Variants in SLC4A5 observed in about 807,000 individuals in gnomAD.
SLC4A5 encodes solute carrier family 4 member 5.
Under a neutral mutation model 120.4 loss-of-function variants are expected in SLC4A5, and 96 were observed. The ratio of observed to expected loss-of-function variants is 0.80; its 90% CI spans 0.68 to 0.94. The LOEUF (loss-of-function observed/expected upper bound fraction) is 0.94, where lower values mean the gene tolerates loss of function less well. Among genes scored for constraint, SLC4A5 ranks in the 40% least tolerant of loss-of-function variants. SLC4A5 has a pLI of 0.00. For synonymous variants in SLC4A5, 550 were observed against 571.1 expected, an observed-to-expected ratio of 0.96 and a Z score of 0.53; for missense variants, 1,259 against 1,459.5, an observed-to-expected ratio of 0.86 and a Z score of 2.24.
rs1351414633 is a variant in SLC4A5 at position 74,255,541 on chromosome 2, C to T, written c.1025+234G>A. Among the ~76,000 whole-genome samples the T allele has an allele frequency of 6.6e-6, 1 of 152,218 alleles. No individual in the cohort carries two copies. The highest frequency in any genetic ancestry group is 2.4e-5 in the African/African-American group (1 of 41,464). Reference sequence around the variant, plus strand: ...AACTCCTGACCTCATGATCTGCCCACCTTGGCATCCCAAAGTGCTGGGATT... The same window carrying T: ...AACTCCTGACCTCATGATCTGCCCATCTTGGCATCCCAAAGTGCTGGGATT... On this transcript the variant is annotated intron_variant, in intron 13 of 30. Transcript: ENST00000394019. The surrounding 1 kb of genome is among the most constrained non-coding windows in gnomAD (Gnocchi z 4.0).
At chr2:74,300,373 T>C (rs1453819635) in intron 7 of SLC4A5, among the ~76,000 whole-genome samples, 1 of 152,228 alleles carries the variant, frequency 6.6e-6, no homozygotes, top group Non-Finnish European at 1.5e-5. Flanking sequence ...TGAGTGGTGA[T>C]GAAGGTGTTA....
chr2:74,253,187 A>C (rs1670849043), intron 14 of SLC4A5, 59 bp from the exon 15 acceptor site: 9 of 1,589,080 alleles, frequency 5.7e-6, no homozygotes, highest in Non-Finnish European at 7.7e-6. Context: ...AATGCCTGGG[A>C]GCATATCACA....
chr2:74,307,975 TG>T, intron 6 of SLC4A5: 2 of 561,954 alleles, frequency 3.6e-6, no homozygotes, highest in Non-Finnish European at 3.5e-6. Flanking sequence ...GACCAGTAGT[TG>T]GAGGAGAAGG....
At chr2:74,243,741 G>A (rs958346834) in intron 19 of SLC4A5, among the ~76,000 whole-genome samples, 1 of 152,122 alleles carries the variant, frequency 6.6e-6, no homozygotes, top group African/African-American at 2.4e-5. Flanking sequence ...TTTATATCGA[G>A]AACTCTGTAG....
chr2:74,301,559 A>G (rs1288048639), intron 7 of SLC4A5, among the ~76,000 whole-genome samples: 2 of 152,230 alleles, frequency 1.3e-5, no homozygotes, highest in Non-Finnish European at 2.9e-5. Context: ...GGAAAAACAT[A>G]TGTGGTCAGG....
rs757867487 is a variant in SLC4A5 at position 74,254,597 on chromosome 2, C to T, written c.1113+22G>A. 6 of 1,600,904 alleles carry T rather than the reference C, an allele frequency of 3.7e-6. No homozygotes were observed. In the South Asian group the frequency reaches 5.5e-5, roughly 15 times the overall value. ...GCAGGAGCTGTAAAATTCAGGAGTA[C>T]AAGCTTCTGGTTACCACTTACATCA... On this transcript the variant is annotated intron_variant, in intron 14 of 30. Transcript: ENST00000394019.
chr2:74,337,283 G>C lies in SLC4A5; in HGVS notation c.-221+1572C>G, dbSNP rs1337045742. ...GTGAGGCTGCTTGAAGAGGTGGAGAGAGACTTTGACCTCCACAATAACCTG... is the reference window on the plus strand; with the variant it reads ...GTGAGGCTGCTTGAAGAGGTGGAGACAGACTTTGACCTCCACAATAACCTG... On this transcript the variant is annotated intron_variant, in intron 3 of 30. Transcript: ENST00000394019. 2.6e-5 allele frequency among the ~76,000 whole-genome samples: 4 copies of C among 152,252 alleles called. No individual in the cohort carries two copies. In the South Asian group the frequency reaches 8.3e-4, roughly 32 times the overall value.
intron 7 of SLC4A5, among the ~76,000 whole-genome samples, chr2:74,293,874 T>G (rs1424892223): frequency 6.6e-6 from 1 of 152,066 alleles, no homozygotes; most frequent in Non-Finnish European, 1.5e-5. Context: ...TTGAAAACCA[T>G]AAGTGTAAAG....
Position 74,255,561 on chromosome 2 carries a change from G to A in SLC4A5, c.1025+214C>T, listed in dbSNP as rs1313232978. ...GCCCACCTTGGCATCCCAAAGTGCTGGGATTACAGGCGTGAGCCACCGCAC... is the reference window on the plus strand; with the variant it reads ...GCCCACCTTGGCATCCCAAAGTGCTAGGATTACAGGCGTGAGCCACCGCAC... On this transcript the variant is annotated intron_variant, in intron 13 of 30. Coordinates refer to ENST00000394019, the Ensembl canonical transcript of SLC4A5. This position sits in a 1 kb window ranked among gnomAD's most constrained non-coding sequence, Gnocchi z 4.0. 6.6e-6 allele frequency among the ~76,000 whole-genome samples: 1 copy of A among 152,172 alleles called. No individual in the cohort carries two copies. Among genetic ancestry groups the A allele is most frequent in the African/African-American group, 2.4e-5 (1 of 41,452 alleles).
chr2:74,267,438 T>A (rs1244566544), intron 8 of SLC4A5, among the ~76,000 whole-genome samples: 1 of 152,236 alleles, frequency 6.6e-6, no homozygotes, highest in African/African-American at 2.4e-5. Flanking sequence ...ATTCTGTATG[T>A]CCATGTTGTG....
At chr2:74,305,787 C>T (rs1187124649) in intron 6 of SLC4A5, among the ~76,000 whole-genome samples, 2 of 141,932 alleles carry the variant, frequency 1.4e-5, no homozygotes, top group Non-Finnish European at 3.0e-5. Flanking sequence ...TGCAGTGGCA[C>T]AATCTTGGCT....
At chr2:74,307,822 G>A (rs1295532565) in intron 6 of SLC4A5, 2 of 487,920 alleles carry the variant, frequency 4.1e-6, no homozygotes, top group Non-Finnish European at 7.8e-6. Flanking sequence ...CCCCATGCCA[G>A]GCCCCCAGAC....
At chr2:74,224,929 T>G in exon 28 of SLC4A5, 1 of 1,614,118 alleles carries the variant, frequency 6.2e-7, no homozygotes, top group Non-Finnish European at 8.5e-7. Context: ...ATGTTGTCAA[T>G]CCAGGCCAGG....
chr2:74,232,676 A>G (rs1307819780), intron 23 of SLC4A5, 29 bp from the exon 24 acceptor site: 2 of 1,606,454 alleles, frequency 1.2e-6, no homozygotes, highest in Non-Finnish European at 1.7e-6. Context: ...GGGAGGGAGA[A>G]GTTTCTGGGG....
intron 7 of SLC4A5, among the ~76,000 whole-genome samples, chr2:74,294,017 C>T (rs541593894): frequency 8.5e-5 from 13 of 152,284 alleles, no homozygotes; most frequent in Non-Finnish European, 1.6e-4. Flanking sequence ...GGAAACACTC[C>T]GTGACCTTGG....
chr2:74,233,919 G>C (rs888922419), intron 22 of SLC4A5, among the ~76,000 whole-genome samples: 2 of 152,290 alleles, frequency 1.3e-5, no homozygotes, highest in African/African-American at 4.8e-5. Flanking sequence ...ATAAAGAAAT[G>C]GGTGGGCCCA....
intron 7 of SLC4A5, among the ~76,000 whole-genome samples, chr2:74,302,148 A>AG (rs1180851379): frequency 6.6e-6 from 1 of 152,102 alleles, no homozygotes; most frequent in Admixed American, 6.5e-5. Flanking sequence ...TCCCTTTAAA[A>AG]GGGGTTTTTA....
At chr2:74,311,156 CT>C (rs939592875) in intron 6 of SLC4A5, among the ~76,000 whole-genome samples, 1 of 151,978 alleles carries the variant, frequency 6.6e-6, no homozygotes, top group Non-Finnish European at 1.5e-5. Flanking sequence ...TAATGATCAC[CT>C]TTCATTTCTG....
chr2:74,294,736 A>G lies in SLC4A5; in HGVS notation c.272-8834T>C, dbSNP rs192048228. Among the ~76,000 whole-genome samples the G allele has an allele frequency of 1.2e-3, 183 of 151,360 alleles. 1 individual carries two copies. The highest frequency in any genetic ancestry group is 4.4e-3 in the African/African-American group (179 of 41,038). On this transcript the variant is annotated intron_variant, in intron 7 of 30. Transcript: ENST00000394019. ...CTCTGTCGCCCAGTGTACTGACGCA[A>G]TCTCAGCTAACTACAACCTCCGCCT...
Sources: allele counts gnomAD v4.1 joint callset (sites outside exome capture counted in the v4.1 genomes callset), GRCh38; gene constraint gnomAD v4.1.1; non-coding constraint Gnocchi (gnomAD v3.1); transcripts MANE v1.5; gene names NCBI Gene and HGNC (gene_info 2026-07-23, HGNC 2026-07-21).